The following STT3A variants were observed in gnomAD, a reference collection of about 807,000 sequenced individuals.
STT3A encodes the protein dolichyl-diphosphooligosaccharide--protein glycosyltransferase subunit STT3A.
A neutral mutation model predicts 89.2 loss-of-function variants in STT3A; 34 were observed. The ratio of observed to expected loss-of-function variants is 0.38; its 90% CI spans 0.29 to 0.51. The LOEUF is 0.51. Among genes scored for constraint, STT3A ranks in the 20% least tolerant of loss-of-function variants. The pLI, the probability that STT3A is intolerant of heterozygous loss-of-function variation, is 0.89. For missense variants in STT3A, 555 were observed against 889.5 expected (o/e 0.62, Z 4.78); for synonymous variants, 282 against 310.3 (o/e 0.91, Z 0.96).
chr11:125,606,203 AGT>A (rs1939831305), intron 7 of STT3A, 96 bp from the exon 8 acceptor site: 1 of 1,117,958 alleles, frequency 8.9e-7, no homozygotes, highest in African/African-American at 1.6e-5. Context: ...AGTTACTATA[AGT>A]GTTCTTTAAA....
chr11:125,596,738 T>G (rs1421878859), intron 2 of STT3A, among the ~76,000 whole-genome samples: 3 of 152,154 alleles, frequency 2.0e-5, no homozygotes, highest in Non-Finnish European at 4.4e-5. Context: ...TAGTTATGTG[T>G]GTATGGTGGG....
intron 2 of STT3A, among the ~76,000 whole-genome samples, chr11:125,596,405 C>T (rs1202060201): frequency 6.6e-6 from 1 of 152,110 alleles, no homozygotes; most frequent in Non-Finnish European, 1.5e-5. Context: ...GCAGAGGTTG[C>T]AGTAAGCCGA....
In STT3A at chr11:125,610,345, G is replaced by A. The variant is rs376404650; in HGVS notation, c.1117+756G>A. Among the ~76,000 whole-genome samples, 9 of 152,290 alleles carry A rather than the reference G, an allele frequency of 5.9e-5. No homozygotes were observed. The East Asian group carries it at 1.4e-3, about 23-fold the overall frequency. Reference sequence around the variant, plus strand: ...CTCCCATAGTGCTGGGATTACAGGCGTGAGCCACTGTGCCTGGCCAACTTT... The same window carrying A: ...CTCCCATAGTGCTGGGATTACAGGCATGAGCCACTGTGCCTGGCCAACTTT... On this transcript the variant is annotated intron_variant, in intron 10 of 17. Transcript: ENST00000392708.
At chr11:125,609,704 A>T in intron 10 of STT3A, 115 bp downstream of exon 10, 11 of 1,367,970 alleles carry the variant, frequency 8.0e-6, no homozygotes, top group Non-Finnish European at 1.1e-5. Context: ...ATGTTGTGTA[A>T]TACAGAGGAC....
chr11:125,602,366 G>T lies in STT3A; in HGVS notation c.213G>T (p.Trp71Cys). The T allele has an allele frequency of 6.2e-7, 1 of 1,613,550 alleles. No individual in the cohort carries two copies. Among genetic ancestry groups the T allele is most frequent in the Non-Finnish European group, 8.5e-7 (1 of 1,179,870 alleles). ...AEEGFYKFHN[W>C]FDDRAWYPLG... is the part of the protein sequence containing the mutation. ...AGGGGTTTTATAAATTCCATAACTGGTTTGATGACCGAGCCTGGTACCCTT... is the reference window on the plus strand; with the variant it reads ...AGGGGTTTTATAAATTCCATAACTGTTTTGATGACCGAGCCTGGTACCCTT... Residue 71 changes from tryptophan (W) to cysteine (C), a missense_variant, in exon 4 of 18, where the codon TGG becomes TGT. Coordinates refer to ENST00000392708, the MANE Select transcript of STT3A (RefSeq NM_152713.5).
Position 125,622,030 on chromosome 11 carries a change from C to T in STT3A, c.*1220C>T, listed in dbSNP as rs1481272322. 6.6e-6 allele frequency: 1 copy of T among 152,114 alleles called. No homozygotes were observed. Among genetic ancestry groups the T allele is most frequent in the Non-Finnish European group, 1.5e-5 (1 of 68,032 alleles). 9.4% of individuals were successfully genotyped at this position (152,114 alleles called of 1,614,324 possible). On this transcript the variant is annotated 3_prime_UTR_variant, in exon 18 of 18. Coordinates refer to ENST00000392708, the MANE Select transcript of STT3A (RefSeq NM_152713.5). ...AGTCTGGGCGACAGTGAAATCTTGT[C>T]TAAACAAAAACAATTTAACTGGGAA...
At chr11:125,618,303 A>T (rs1400079505) in intron 15 of STT3A, 70 bp from the exon 16 acceptor site, 1 of 1,416,558 alleles carries the variant, frequency 7.1e-7, no homozygotes, top group African/African-American at 1.4e-5. Flanking sequence ...GAATTTTCTT[A>T]GAAATACTAA....
chr11:125,617,540 GATTTCCCTAA>G (rs1411543645), intron 15 of STT3A, among the ~76,000 whole-genome samples: 1 of 152,184 alleles, frequency 6.6e-6, no homozygotes, highest in African/African-American at 2.4e-5. Flanking sequence ...TGTAGCAACT[GATTTCCCTAA>G]AGCCTGTGCA....
intron 6 of STT3A, among the ~76,000 whole-genome samples, 183 bp from the exon 7 acceptor site, chr11:125,605,446 A>T (rs1161576359): frequency 6.6e-6 from 1 of 152,348 alleles, no homozygotes; most frequent in South Asian, 2.1e-4. Flanking sequence ...TTTTCAGAAC[A>T]CTTTTATGAA....
chr11:125,597,158 G>A, intron 3 of STT3A, 39 bp downstream of exon 3: 1 of 1,607,866 alleles, frequency 6.2e-7, no homozygotes, highest in Non-Finnish European at 8.5e-7. Context: ...TTTCCTTTGG[G>A]AGGCATTCAG....
At position 125,618,265 on chromosome 11, in the gene STT3A, T is replaced by C. The variant is rs552651857; in HGVS notation, c.1775-108T>C. On this transcript the variant is annotated intron_variant, in intron 15 of 17. Transcript: ENST00000392708. Reference sequence around the variant, plus strand: ...ATTTTTACAAATTAGAGTTAAATGATACCAATCCCCATTAAAAAAATGTTG... The same window carrying C: ...ATTTTTACAAATTAGAGTTAAATGACACCAATCCCCATTAAAAAAATGTTG... The C allele has an allele frequency of 6.8e-6, 7 of 1,033,446 alleles. No individual in the cohort carries two copies. The Admixed American group carries it at 1.5e-4, about 22-fold the overall frequency. 64.0% of individuals were successfully genotyped at this position (1,033,446 alleles called of 1,614,324 possible). A position where few individuals can be genotyped will look rare whatever the true frequency, so the allele number is the denominator to read the frequency against.
At position 125,606,323 on chromosome 11, in the gene STT3A, T is replaced by A; in HGVS notation, c.638T>A (p.Val213Glu). 1 of 1,613,926 alleles carries A rather than the reference T, an allele frequency of 6.2e-7. No individual in the cohort carries two copies. The highest frequency in any genetic ancestry group is 8.5e-7 in the Non-Finnish European group (1 of 1,179,988). The change falls in exon 8 of 18, where the codon GTG becomes GAG. Residue 213 changes from valine (V) to glutamate (E), a missense_variant. Coordinates refer to ENST00000392708, the MANE Select transcript of STT3A (RefSeq NM_152713.5). Reference protein sequence around the residue: ...FYMVSSWGGYVFLINLIPLHV... With the variant: ...FYMVSSWGGYEFLINLIPLHV... ...TAGGTCTCGTCATGGGGAGGTTATG[T>A]GTTCCTGATCAACTTAATTCCTCTC...
At position 125,595,938 on chromosome 11, in the gene STT3A, G is replaced by A. The variant is rs762736837; in HGVS notation, c.23G>A (p.Arg8Gln). 15 of 1,613,608 alleles carry A rather than the reference G, an allele frequency of 9.3e-6. No individual in the cohort carries two copies. The highest frequency in any genetic ancestry group is 5.5e-5 in the South Asian group (5 of 90,972). Reference sequence around the variant, plus strand: ...AAGATGACTAAGTTTGGATTTTTGCGATTGTCCTATGAGAAGCAGGACACA... The same window carrying A: ...AAGATGACTAAGTTTGGATTTTTGCAATTGTCCTATGAGAAGCAGGACACA... MTKFGFLRLSYEKQDTLL... is the reference protein window; with the variant it reads MTKFGFLQLSYEKQDTLL... The change falls in exon 2 of 18, where the codon CGA becomes CAA. Residue 8 changes from arginine to glutamine, a missense_variant. Arg to Gln is a conservative substitution (Grantham distance 43). Coordinates refer to ENST00000392708, the MANE Select transcript of STT3A (RefSeq NM_152713.5).
rs1939842629 is a variant in STT3A, at chr11:125,606,447, C to T, written c.762C>T (p.Ile254=). The change falls in exon 8 of 18, where the codon ATC becomes ATT. Residue 254 remains isoleucine (I), a synonymous_variant. Coordinates refer to ENST00000392708, the MANE Select transcript of STT3A (RefSeq NM_152713.5). ...YCLGTILSMQ[I]SFVGFQPVLS... The stretch of plus-strand genomic sequence containing the variant: ...TGGGCACTATACTTTCTATGCAGAT[C>T]TCCTTTGTGGGTTTCCAGGTGAGCC... 1 of 1,613,344 alleles carries T rather than the reference C, an allele frequency of 6.2e-7. No individual in the cohort carries two copies. The highest frequency in any genetic ancestry group is 1.3e-5 in the African/African-American group (1 of 74,860).
At chr11:125,609,711 G>A (rs1419900525) in intron 10 of STT3A, 122 bp downstream of exon 10, 3 of 1,227,724 alleles carry the variant, frequency 2.4e-6, no homozygotes, top group Non-Finnish European at 3.3e-6. Context: ...GTAATACAGA[G>A]GACGGCTAAG....
At position 125,611,478 on chromosome 11, in the gene STT3A, A is replaced by G; in HGVS notation, c.1168A>G (p.Ile390Val). 3.1e-6 allele frequency: 5 copies of G among 1,614,052 alleles called. No individual in the cohort carries two copies. Among genetic ancestry groups the G allele is most frequent in the Non-Finnish European group, 3.4e-6 (4 of 1,179,964 alleles). ...SNLSDARIFI[I>V]MYGVTSMYFS... ...CCTGTCTGATGCCCGGATTTTTATC[A>G]TCATGTATGGTGTGACCAGCATGTA... is the stretch of plus-strand genomic sequence containing the variant. Residue 390 changes from isoleucine to valine, a missense_variant, in exon 11 of 18, where the codon ATC (isoleucine) becomes GTC (valine). By Grantham distance (29) the Ile-to-Val change is conservative (BLOSUM62 3). Coordinates refer to ENST00000392708, the MANE Select transcript of STT3A (RefSeq NM_152713.5).
chr11:125,614,568 G>T lies in STT3A; in HGVS notation c.1774+142G>T, dbSNP rs1280931328. 1.2e-6 allele frequency: 1 copy of T among 808,676 alleles called. No individual in the cohort carries two copies. The highest frequency in any genetic ancestry group is 1.7e-5 in the African/African-American group (1 of 57,330). The allele number at this position is 808,676 out of a possible 1,614,324, so 50.1% of individuals were successfully genotyped here. A position where few individuals can be genotyped will look rare whatever the true frequency, so the allele number is the denominator to read the frequency against. On this transcript the variant is annotated intron_variant, in intron 15 of 17. Coordinates refer to ENST00000392708, the MANE Select transcript of STT3A (RefSeq NM_152713.5). The surrounding 1 kb of genome is among the most constrained non-coding windows in gnomAD (Gnocchi z 4.9). ...AAGTTCCTAAGTATTTGCAACTTGA[G>T]GTTTGGGTATTTTGATTTTTTTCTT...
Position 125,602,878 on chromosome 11 carries a change from G to A in STT3A, c.347G>A (p.Cys116Tyr). ...ATCACCATCGACATTCGGAATGTCT[G>A]TGTGTTCCTGGCCCCTCTCTTCTCC... Reference protein sequence around the residue: ...FHITIDIRNVCVFLAPLFSSF... With the variant: ...FHITIDIRNVYVFLAPLFSSF... Residue 116 changes from cysteine to tyrosine, a missense_variant, in exon 5 of 18, where the codon TGT (cysteine) becomes TAT (tyrosine). Coordinates refer to ENST00000392708, the MANE Select transcript of STT3A (RefSeq NM_152713.5). The A allele has an allele frequency of 6.2e-7, 1 of 1,614,124 alleles. No homozygotes were observed. Among genetic ancestry groups the A allele is most frequent in the Non-Finnish European group, 8.5e-7 (1 of 1,180,022 alleles).
At chr11:125,596,962 C>A in intron 2 of STT3A, 97 bp from the exon 3 acceptor site, 1 of 1,284,400 alleles carries the variant, frequency 7.8e-7, no homozygotes, top group Non-Finnish European at 1.1e-6. Flanking sequence ...TTTTCTGTGA[C>A]CTCTCTACTG....
Sources: gnomAD v4.1 joint callset for allele counts (sites outside exome capture counted in the v4.1 genomes callset) on GRCh38, gnomAD v4.1.1 for gene constraint, Gnocchi (gnomAD v3.1) non-coding constraint, MANE v1.5 for transcripts, NCBI Gene and HGNC (gene_info 2026-07-23, HGNC 2026-07-21) for gene names.